Variants in UNC5C observed in about 807,000 individuals in gnomAD.
UNC5C encodes the protein netrin receptor UNC5C.
Under a neutral mutation model 99.8 loss-of-function variants are expected in UNC5C, and 47 were observed. The ratio of observed to expected loss-of-function variants is 0.47; its 90% CI spans 0.37 to 0.60. The LOEUF (loss-of-function observed/expected upper bound fraction) is 0.60. Ranked by LOEUF, UNC5C falls within the 20% of genes least tolerant of loss-of-function variation. UNC5C has a pLI of 0.00. For missense variants in UNC5C, 1,062 were observed against 1,165.9 expected (o/e 0.91, Z 1.30); for synonymous variants, 487 against 452.2 (o/e 1.08, Z -0.98).
chr4:95,281,445 T>C (rs2149395465), intron 3 of UNC5C, among the ~76,000 whole-genome samples: 1 of 152,164 alleles, frequency 6.6e-6, no homozygotes, highest in African/African-American at 2.4e-5. Context: ...AGAACAAGGG[T>C]GTCCATCAGA....
At chr4:95,416,932 C>A (rs1041545099) in intron 1 of UNC5C, among the ~76,000 whole-genome samples, 1 of 152,168 alleles carries the variant, frequency 6.6e-6, no homozygotes, top group African/African-American at 2.4e-5. Context: ...TGATAGCTCA[C>A]TTCTGGTCCA....
At chr4:95,281,052 G>A (rs1037218090) in intron 3 of UNC5C, among the ~76,000 whole-genome samples, 2 of 152,122 alleles carry the variant, frequency 1.3e-5, no homozygotes, top group African/African-American at 4.8e-5. Flanking sequence ...TCATTTATGA[G>A]CTTCAATGTT....
chr4:95,301,512 C>T, intron 3 of UNC5C, 94 bp downstream of exon 3: 1 of 1,546,386 alleles, frequency 6.5e-7, no homozygotes, highest in Non-Finnish European at 8.8e-7. Flanking sequence ...GATTTTTGAC[C>T]AGTTTTCTTT....
intron 1 of UNC5C, among the ~76,000 whole-genome samples, chr4:95,473,831 G>C (rs940322639): frequency 2.6e-5 from 4 of 152,096 alleles, no homozygotes; most frequent in African/African-American, 9.7e-5. Context: ...TTAATTATGA[G>C]AGACCAGCAC....
intron 4 of UNC5C, among the ~76,000 whole-genome samples, chr4:95,253,352 A>T (rs562121529): frequency 7.2e-5 from 11 of 152,180 alleles, no homozygotes; most frequent in Non-Finnish European, 1.3e-4. Context: ...AGTTTATTAC[A>T]TGGAAGAAAG....
intron 1 of UNC5C, among the ~76,000 whole-genome samples, chr4:95,430,649 A>G (rs1030939203): frequency 3.3e-5 from 5 of 152,152 alleles, no homozygotes; most frequent in Admixed American, 3.3e-4. Context: ...TTAAGTACCA[A>G]TTATCTTCAA....
At chr4:95,438,811 T>C (rs1220621332) in intron 1 of UNC5C, among the ~76,000 whole-genome samples, 1 of 152,172 alleles carries the variant, frequency 6.6e-6, no homozygotes, top group African/African-American at 2.4e-5. Context: ...CTGATTTTAT[T>C]GATTGATTTA....
At chr4:95,536,111 CTT>C (rs1449098374) in intron 1 of UNC5C, among the ~76,000 whole-genome samples, 2 of 147,286 alleles carry the variant, frequency 1.4e-5, no homozygotes, top group Non-Finnish European at 3.0e-5. Flanking sequence ...GAGTCTCGCT[CTT>C]GTCACCCAGG....
intron 2 of UNC5C, among the ~76,000 whole-genome samples, chr4:95,307,879 A>G (rs528479215): frequency 6.6e-6 from 1 of 152,380 alleles, no homozygotes; most frequent in East Asian, 1.9e-4. Flanking sequence ...TCATACGATC[A>G]TCTTAATAGC....
intron 14 of UNC5C, among the ~76,000 whole-genome samples, chr4:95,175,653 C>A (rs1736310221): frequency 6.6e-6 from 1 of 152,104 alleles, no homozygotes; most frequent in South Asian, 2.1e-4. Context: ...GTAACCCGAC[C>A]TTTCTCTCTG....
chr4:95,500,986 G>A (rs893423559), intron 1 of UNC5C, among the ~76,000 whole-genome samples: 4 of 152,104 alleles, frequency 2.6e-5, no homozygotes, highest in Non-Finnish European at 4.4e-5. Flanking sequence ...ATCATTAGTC[G>A]AAAAACTCTT....
At chr4:95,272,076 T>C (rs994859185) in intron 4 of UNC5C, among the ~76,000 whole-genome samples, 9 of 152,228 alleles carry the variant, frequency 5.9e-5, no homozygotes, top group African/African-American at 2.2e-4. Context: ...TTCCTTGAAT[T>C]CTAAAGTCAT....
At chr4:95,407,125 G>T (rs1387699703) in intron 1 of UNC5C, among the ~76,000 whole-genome samples, 1 of 152,024 alleles carries the variant, frequency 6.6e-6, no homozygotes, top group Non-Finnish European at 1.5e-5. Context: ...AGCAGATTAA[G>T]GTTGTCAAAA....
At chr4:95,406,209 C>T (rs1036521328) in intron 1 of UNC5C, among the ~76,000 whole-genome samples, 2 of 152,180 alleles carry the variant, frequency 1.3e-5, no homozygotes, top group Non-Finnish European at 2.9e-5. Flanking sequence ...TGACTTCTCA[C>T]TTCATCCTGA....
At chr4:95,362,397 C>T (rs2149435377) in intron 1 of UNC5C, among the ~76,000 whole-genome samples, 1 of 152,206 alleles carries the variant, frequency 6.6e-6, no homozygotes, top group African/African-American at 2.4e-5. Flanking sequence ...TAGTATGACG[C>T]TGTTCATGGC....
At chr4:95,390,846 C>T (rs572474016) in intron 1 of UNC5C, among the ~76,000 whole-genome samples, 1 of 152,242 alleles carries the variant, frequency 6.6e-6, no homozygotes, top group East Asian at 1.9e-4. Flanking sequence ...CCCATCTCAG[C>T]CTCCAGAGTA....
chr4:95,225,779 G>T (rs1185241539), intron 7 of UNC5C, among the ~76,000 whole-genome samples: 2 of 152,198 alleles, frequency 1.3e-5, no homozygotes, highest in Non-Finnish European at 2.9e-5. Context: ...CTCACCAAAG[G>T]TTTGACACTC....
chr4:95,546,616 A>G (rs1438888054), intron 1 of UNC5C, among the ~76,000 whole-genome samples: 1 of 152,228 alleles, frequency 6.6e-6, no homozygotes. Context: ...TGAAATGCAT[A>G]CACCCAACGG....
At chr4:95,216,695 T>A (rs947799564) in intron 9 of UNC5C, among the ~76,000 whole-genome samples, 2 of 152,240 alleles carry the variant, frequency 1.3e-5, no homozygotes, top group Non-Finnish European at 2.9e-5. Context: ...TTATTATACA[T>A]AACTCTAGAA....
Sources: allele counts gnomAD v4.1 joint callset (sites outside exome capture counted in the v4.1 genomes callset), GRCh38; gene constraint gnomAD v4.1.1; transcripts MANE v1.5; gene names NCBI Gene and HGNC (gene_info 2026-07-23, HGNC 2026-07-21).